FOXD4: variants seen among roughly 807,000 people sequenced by gnomAD.
The protein encoded by FOXD4 is forkhead box protein D4.
Under a neutral mutation model 26.5 loss-of-function variants are expected in FOXD4, and 22 were observed. The ratio of observed to expected loss-of-function variants is 0.83; its 90% CI spans 0.59 to 1.18. The LOEUF is 1.18. Among genes scored for constraint, FOXD4 ranks in the 50% most tolerant of loss-of-function variants. FOXD4 has a pLI of 0.00. For synonymous variants in FOXD4, 258 were observed against 273.7 expected (o/e 0.94, Z 0.57); for missense variants, 625 against 605.8 (o/e 1.03, Z -0.33).
In FOXD4 at chr9:117,052, T is replaced by C. The variant is rs749518489; in HGVS notation, c.1068A>G (p.Gln356=). The C allele has an allele frequency of 1.9e-6, 3 of 1,612,050 alleles. No individual in the cohort carries two copies. The highest frequency in any genetic ancestry group is 2.5e-6 in the Non-Finnish European group (3 of 1,179,856). ...GATAPCSSDR[Q]ACRTILQQQQ... is the part of the protein sequence containing the mutation. ...GTTGCTGCAAAATTGTCCGACAGGC[T>C]TGACGGTCGCTGGAGCAGGGGGCAG... Residue 356 remains glutamine, a synonymous_variant, in exon 1 of 1, where the codon CAA becomes CAG. Transcript: ENST00000382500.
rs553522138 is a variant in FOXD4 at position 116,950 on chromosome 9, C to G, written c.1170G>C (p.Ser390=). 1 of 1,611,634 alleles carries G rather than the reference C, an allele frequency of 6.2e-7. No individual in the cohort carries two copies. Among genetic ancestry groups the G allele is most frequent in the South Asian group, 1.1e-5 (1 of 90,970 alleles). Residue 390 remains serine (S), a synonymous_variant, in exon 1 of 1, where the codon TCG becomes TCC. Transcript: ENST00000382500. ...GATACCGCAGCAGCGCCGACGCGGC[C>G]GACAGGTGCCCGCCCAGCACCGCGC... The part of the protein sequence containing the change: ...TKGAVLGGHL[S]AASALLRYQA...
rs751686461 is a variant in FOXD4, at chr9:118,001, T to G, written c.119A>C (p.Glu40Ala). 3.1e-6 allele frequency: 5 copies of G among 1,609,958 alleles called. No homozygotes were observed. The highest frequency in any genetic ancestry group is 1.7e-5 in the Admixed American group (1 of 59,910). ...LGEEEDEDEE[E>A]AASQQFLEQS... ...CTCTAGGAACTGCTGGCTCGCCGCC[T>G]CCTCCTCGTCTTCATCTTCCTCCTC... The change falls in exon 1 of 1, where the codon GAG (glutamate) becomes GCG (alanine). Residue 40 changes from glutamate to alanine, a missense_variant. Glu to Ala is a moderately radical substitution (Grantham distance 107, BLOSUM62 -1). Around this residue, in one of 3 missense-constraint regions of FOXD4, gnomAD observed 399 missense variants for 329.4 expected, o/e 1.21. Coordinates refer to ENST00000382500, the MANE Select transcript of FOXD4 (RefSeq NM_207305.5).
rs758307266 is a variant in FOXD4 at position 117,031 on chromosome 9, C to A, written c.1089G>T (p.Gln363His). 3 of 1,611,952 alleles carry A rather than the reference C, an allele frequency of 1.9e-6. No individual in the cohort carries two copies. In the African/African-American group the frequency reaches 4.0e-5, roughly 22 times the overall value. The change falls in exon 1 of 1, where the codon CAG (glutamine) becomes CAT (histidine). Residue 363 changes from glutamine to histidine, a missense_variant. Gln to His is a conservative substitution (Grantham distance 24). Transcript: ENST00000382500. ...SDRQACRTILQQQQRHQEEDC... is the reference protein window; with the variant it reads ...SDRQACRTILHQQQRHQEEDC... ...CCTCCTCCTGATGCCGCTGCTGTTGCTGCAAAATTGTCCGACAGGCTTGAC... is the reference window on the plus strand; with the variant it reads ...CCTCCTCCTGATGCCGCTGCTGTTGATGCAAAATTGTCCGACAGGCTTGAC...
At position 117,029 on chromosome 9, in the gene FOXD4, T is replaced by G. The variant is rs752589772; in HGVS notation, c.1091A>C (p.Gln364Pro). 165 of 1,611,946 alleles carry G rather than the reference T, an allele frequency of 1.0e-4. No homozygotes were observed. The highest frequency in any genetic ancestry group is 1.3e-4 in the Non-Finnish European group (158 of 1,179,864). Reference protein sequence around the residue: ...DRQACRTILQQQQRHQEEDCA... With the variant: ...DRQACRTILQPQQRHQEEDCA... ...GTCCTCCTCCTGATGCCGCTGCTGT[T>G]GCTGCAAAATTGTCCGACAGGCTTG... Residue 364 changes from glutamine to proline, a missense_variant, in exon 1 of 1, where the codon CAA (glutamine) becomes CCA (proline). Gln to Pro is a moderately conservative substitution (Grantham distance 76). Coordinates refer to ENST00000382500, the MANE Select transcript of FOXD4 (RefSeq NM_207305.5).
chr9:116,858 G>C lies in FOXD4; in HGVS notation c.1262C>G (p.Pro421Arg). 1 of 1,609,110 alleles carries C rather than the reference G, an allele frequency of 6.2e-7. No homozygotes were observed. Among genetic ancestry groups the C allele is most frequent in the Non-Finnish European group, 8.5e-7 (1 of 1,178,222 alleles). ...AAPLGGEGTSPVFLVSPTPSS... is the reference protein window; with the variant it reads ...AAPLGGEGTSRVFLVSPTPSS... ...GGGCGTGGGCGATACTAAAAAAACT[G>C]GTGAGGTCCCCTCTCCGCCCAAAGG... Residue 421 changes from proline to arginine, a missense_variant, in exon 1 of 1, where the codon CCA becomes CGA. Physicochemically the swap from Pro to Arg is moderately radical, Grantham distance 103. Coordinates refer to ENST00000382500, the MANE Select transcript of FOXD4 (RefSeq NM_207305.5).
rs150620340 is a variant in FOXD4, at chr9:118,221, C to T, written c.-102G>A. 5.3e-3 allele frequency: 8,519 copies of T among 1,605,464 alleles called. 373 individuals are homozygous for T. In the African/African-American group the frequency reaches 0.1, roughly 20 times the overall value. On this transcript the variant is annotated 5_prime_UTR_variant, in exon 1 of 1. Transcript: ENST00000382500. ...GGATGAATGTTGCAAGAAGCAGGAA[C>T]GCTAGTGGTTACCCTTTGGGATGTT...
Position 118,152 on chromosome 9 carries a change from G to A in FOXD4, c.-33C>T, listed in dbSNP as rs749082438. 3.1e-6 allele frequency: 5 copies of A among 1,588,326 alleles called. No homozygotes were observed. The highest frequency in any genetic ancestry group is 4.3e-6 in the Non-Finnish European group (5 of 1,170,788). ...CAGGTGCTTCAGTCGCAGGGGATGT[G>A]GCGGCCGGATCACCTGGCCCCGGCG... On this transcript the variant is annotated 5_prime_UTR_variant, in exon 1 of 1. Coordinates refer to ENST00000382500, the MANE Select transcript of FOXD4 (RefSeq NM_207305.5).
chr9:117,722 AAGGCGC>A lies in FOXD4; in HGVS notation c.392_397del (p.Cys131_Ala132del). 6.2e-7 allele frequency: 1 copy of A among 1,613,034 alleles called. No individual in the cohort carries two copies. The highest frequency in any genetic ancestry group is 1.1e-5 in the South Asian group (1 of 91,032). On this transcript the variant is annotated inframe_deletion, in exon 1 of 1. Transcript: ENST00000382500. ...GTAGTAGGGGAAGCGGTCACTAATG[AAGGCGC>A]AGATGCCGCTGAGCGTGAGGCGCTT...
rs1167439713 is a variant in FOXD4 at position 118,166 on chromosome 9, C to T, written c.-47G>A. 6.5e-6 allele frequency: 10 copies of T among 1,540,730 alleles called. No homozygotes were observed. In the African/African-American group the frequency reaches 1.1e-4, roughly 17 times the overall value. On this transcript the variant is annotated 5_prime_UTR_variant, in exon 1 of 1. Coordinates refer to ENST00000382500, the MANE Select transcript of FOXD4 (RefSeq NM_207305.5). ...GCAGGGGATGTGGCGGCCGGATCACCTGGCCCCGGCGGGCTGAGCTGGAAG... is the reference window on the plus strand; with the variant it reads ...GCAGGGGATGTGGCGGCCGGATCACTTGGCCCCGGCGGGCTGAGCTGGAAG...
chr9:118,087 G>A lies in FOXD4; in HGVS notation c.33C>T (p.Ser11=). 1.2e-6 allele frequency: 2 copies of A among 1,611,988 alleles called. No homozygotes were observed. Among genetic ancestry groups the A allele is most frequent in the Non-Finnish European group, 8.5e-7 (1 of 1,179,842 alleles). The change falls in exon 1 of 1, where the codon TCC becomes TCT. Residue 11 remains serine, a synonymous_variant. Transcript: ENST00000382500. ...AGTCCCGGAGGCTGCGCTGCGGTGTGGAGCGAAGGCGCTCAGCTCTTGGCA... is the reference window on the plus strand; with the variant it reads ...AGTCCCGGAGGCTGCGCTGCGGTGTAGAGCGAAGGCGCTCAGCTCTTGGCA... MNLPRAERLR[S]TPQRSLRDSD...
chr9:117,847 C>T lies in FOXD4; in HGVS notation c.273G>A (p.Arg91=). The T allele has an allele frequency of 1.2e-6, 2 of 1,612,128 alleles. No individual in the cohort carries two copies. The highest frequency in any genetic ancestry group is 1.7e-6 in the Non-Finnish European group (2 of 1,179,792). ...EFGTEFRAPP[R]SAAASEDARQ... is the part of the protein sequence containing the mutation. ...GGGCATCTTCAGAGGCCGCCGCAGA[C>T]CTTGGCGGTGCCCTGAACTCGGTGC... Residue 91 remains arginine, a synonymous_variant, in exon 1 of 1, where the codon AGG becomes AGA. Coordinates refer to ENST00000382500, the MANE Select transcript of FOXD4 (RefSeq NM_207305.5).
chr9:118,199 T>C lies in FOXD4; in HGVS notation c.-80A>G. On this transcript the variant is annotated 5_prime_UTR_variant, in exon 1 of 1. Coordinates refer to ENST00000382500, the MANE Select transcript of FOXD4 (RefSeq NM_207305.5). Reference sequence around the variant, plus strand: ...GGCGGGCTGAGCTGGAAGCCCGGGATGAATGTTGCAAGAAGCAGGAACGCT... The same window carrying C: ...GGCGGGCTGAGCTGGAAGCCCGGGACGAATGTTGCAAGAAGCAGGAACGCT... 2 of 1,610,652 alleles carry C rather than the reference T, an allele frequency of 1.2e-6. No individual in the cohort carries two copies. The highest frequency in any genetic ancestry group is 1.7e-6 in the Non-Finnish European group (2 of 1,179,386).
In FOXD4 at chr9:117,659, T is replaced by A. The variant is rs779662834; in HGVS notation, c.461A>T (p.His154Leu). 1 of 1,613,646 alleles carries A rather than the reference T, an allele frequency of 6.2e-7. No homozygotes were observed. Among genetic ancestry groups the A allele is most frequent in the Non-Finnish European group, 8.5e-7 (1 of 1,179,934 alleles). Residue 154 changes from histidine to leucine, a missense_variant, in exon 1 of 1, where the codon CAC becomes CTC. His to Leu is a moderately conservative substitution (Grantham distance 99). This residue lies in a region of FOXD4 where 399 missense variants were observed against 329.4 expected (regional missense o/e 1.21). Transcript: ENST00000382500. ...GAAGCAGTCGTTCAGCGAGAGGTTG[T>A]GGCGGATGCTGTTCTGCCAGGCGGG... is the stretch of plus-strand genomic sequence containing the variant. ...KFPAWQNSIR[H>L]NLSLNDCFVK...
Position 116,710 on chromosome 9 carries a change from C to G in FOXD4, c.*90G>C. Reference sequence around the variant, plus strand: ...TGCAGGGAACAGAAGTTCGTGTTTGCTCTCCAGCGGGATTCAGATGCACAC... The same window carrying G: ...TGCAGGGAACAGAAGTTCGTGTTTGGTCTCCAGCGGGATTCAGATGCACAC... On this transcript the variant is annotated 3_prime_UTR_variant, in exon 1 of 1. Transcript: ENST00000382500. 6 of 1,511,686 alleles carry G rather than the reference C, an allele frequency of 4.0e-6. No individual in the cohort carries two copies. The highest frequency in any genetic ancestry group is 5.3e-6 in the Non-Finnish European group (6 of 1,130,656). The allele number at this position is 1,511,686 out of a possible 1,614,324, so 93.6% of individuals were successfully genotyped here.
In FOXD4 at chr9:117,606, G is replaced by A. The variant is rs369683599; in HGVS notation, c.514C>T (p.Pro172Ser). 8.7e-6 allele frequency: 14 copies of A among 1,613,798 alleles called. No homozygotes were observed. In the African/African-American group the frequency reaches 1.6e-4, roughly 18 times the overall value. ...FVKIPREPGR[P>S]GKGNYWSLDP... ...AGGCTCCAGTAGTTGCCCTTGCCTG[G>A]GCGGCCCGGCTCGCGGGGGATCTTG... Residue 172 changes from proline (P) to serine (S), a missense_variant, in exon 1 of 1, where the codon CCA (proline) becomes TCA (serine). Physicochemically the swap from Pro to Ser is moderately conservative, Grantham distance 74. This residue lies in a region of FOXD4 where 399 missense variants were observed against 329.4 expected (regional missense o/e 1.21). Coordinates refer to ENST00000382500, the MANE Select transcript of FOXD4 (RefSeq NM_207305.5).
chr9:117,619 G>C lies in FOXD4; in HGVS notation c.501C>G (p.Arg167=). The C allele has an allele frequency of 1.2e-6, 2 of 1,613,918 alleles. No individual in the cohort carries two copies. The highest frequency in any genetic ancestry group is 1.7e-6 in the Non-Finnish European group (2 of 1,180,040). Residue 167 remains arginine, a synonymous_variant, in exon 1 of 1, where the codon CGC becomes CGG. Transcript: ENST00000382500. ...SLNDCFVKIP[R]EPGRPGKGNY... ...TGCCCTTGCCTGGGCGGCCCGGCTC[G>C]CGGGGGATCTTGACGAAGCAGTCGT...
chr9:117,344 A>G lies in FOXD4; in HGVS notation c.776T>C (p.Leu259Pro). The change falls in exon 1 of 1, where the codon CTG becomes CCG. Residue 259 changes from leucine to proline, a missense_variant. This residue lies in a region of FOXD4 where 92 missense variants were observed against 144.2 expected (regional missense o/e 0.64). Coordinates refer to ENST00000382500, the MANE Select transcript of FOXD4 (RefSeq NM_207305.5). ...TAGGTAGCGAGGAGGATGCGGGTGC[A>G]GCAGAGCGTAAGGGCGTCTCCCGGG... ...TGPGRRPYALLHPHPPRYLLL... is the reference protein window; with the variant it reads ...TGPGRRPYALPHPHPPRYLLL... The G allele has an allele frequency of 1.3e-6, 2 of 1,594,496 alleles. No individual in the cohort carries two copies. Among genetic ancestry groups the G allele is most frequent in the Non-Finnish European group, 1.7e-6 (2 of 1,177,666 alleles).
In FOXD4 at chr9:117,276, C is replaced by T; in HGVS notation, c.844G>A (p.Glu282Lys). The change falls in exon 1 of 1, where the codon GAA becomes AAA. Residue 282 changes from glutamate to lysine, a missense_variant. This residue lies in a region of FOXD4 where 92 missense variants were observed against 144.2 expected (regional missense o/e 0.64). Coordinates refer to ENST00000382500, the MANE Select transcript of FOXD4 (RefSeq NM_207305.5). ...GCCGGGGTCGCCAGGTCCGCGCCTT[C>T]TGCTTTCTTCGGTGCCCCGGCATAG... ...PAYAGAPKKA[E>K]GADLATPAPF... 6.2e-7 allele frequency: 1 copy of T among 1,606,232 alleles called. No homozygotes were observed. The highest frequency in any genetic ancestry group is 8.5e-7 in the Non-Finnish European group (1 of 1,179,820).
At position 116,660 on chromosome 9, in the gene FOXD4, T is replaced by C. The variant is rs1819363391; in HGVS notation, c.*140A>G. The C allele has an allele frequency of 8.1e-6, 11 of 1,365,740 alleles. No individual in the cohort carries two copies. In the South Asian group the frequency reaches 1.1e-4, roughly 14 times the overall value. The allele number at this position is 1,365,740 out of a possible 1,614,324, so 84.6% of individuals were successfully genotyped here. On this transcript the variant is annotated 3_prime_UTR_variant, in exon 1 of 1. Transcript: ENST00000382500. ...TCAGGTGGTTTTTAGAGGAACGTAA[T>C]CCAGCTGTTTCTTTCTAACCATTTT...
Sources: gnomAD v4.1 joint callset for allele counts on GRCh38, gnomAD v4.1.1 for gene constraint, gnomAD v4.1.1 regional missense constraint, MANE v1.5 for transcripts, NCBI Gene and HGNC (gene_info 2026-07-23, HGNC 2026-07-21) for gene names.